The following NCOA1 variants were observed in gnomAD, a reference collection of about 807,000 sequenced individuals.
NCOA1 encodes the protein Hin-2 protein.
Under a neutral mutation model 150.9 loss-of-function variants are expected in NCOA1, and 35 were observed. That is an observed-to-expected ratio of 0.23 (90% CI 0.18 to 0.31). The LOEUF is 0.31. NCOA1 is among the 10% of genes least tolerant of loss of function. The probability of loss-of-function intolerance (pLI) is 1.00; values close to 1 mark genes in which losing one functional copy is unlikely to be tolerated. For synonymous variants in NCOA1, 590 were observed against 630.0 expected, an observed-to-expected ratio of 0.94 and a Z score of 0.95; for missense variants, 1,491 against 1,749.3, an observed-to-expected ratio of 0.85 and a Z score of 2.63.
intron 1 of NCOA1, among the ~76,000 whole-genome samples, chr2:24,516,042 C>T (rs1354483722): frequency 6.6e-6 from 1 of 152,094 alleles, no homozygotes; most frequent in Non-Finnish European, 1.5e-5. Flanking sequence ...CAGGCAGTCA[C>T]TCTGGTGGCT....
chr2:24,736,611 G>C (rs769341548), intron 17 of NCOA1, among the ~76,000 whole-genome samples: 3 of 152,140 alleles, frequency 2.0e-5, no homozygotes, highest in Non-Finnish European at 4.4e-5. Context: ...TGCCCAATAG[G>C]ACAATAAGTT....
intron 3 of NCOA1, among the ~76,000 whole-genome samples, chr2:24,592,866 C>T (rs1046980036): frequency 2.0e-5 from 3 of 151,984 alleles, no homozygotes; most frequent in Non-Finnish European, 4.4e-5. Flanking sequence ...TTTTTAGAGT[C>T]TAGAAAAGGG....
At chr2:24,642,815 C>T (rs1670292062) in intron 3 of NCOA1, among the ~76,000 whole-genome samples, 1 of 152,088 alleles carries the variant, frequency 6.6e-6, no homozygotes, top group African/African-American at 2.4e-5. Context: ...GATACGTGCA[C>T]CAAACTGGAT....
intron 1 of NCOA1, among the ~76,000 whole-genome samples, chr2:24,538,687 A>C (rs1665265765): frequency 6.6e-6 from 1 of 152,160 alleles, no homozygotes; most frequent in South Asian, 2.1e-4. Flanking sequence ...TTCCAAGACC[A>C]GTTCATATGA....
At chr2:24,608,404 C>T (rs1668468756) in intron 3 of NCOA1, among the ~76,000 whole-genome samples, 1 of 151,224 alleles carries the variant, frequency 6.6e-6, no homozygotes, top group South Asian at 2.1e-4. Context: ...CCTCAGCCTC[C>T]TAAGTAGCTG....
intron 16 of NCOA1, among the ~76,000 whole-genome samples, chr2:24,729,023 A>C (rs551683845): frequency 6.6e-6 from 1 of 152,270 alleles, no homozygotes; most frequent in African/African-American, 2.4e-5. Context: ...GTCACAATTT[A>C]TATTTCTTAC....
chr2:24,763,491 G>C (rs1664888893), intron 22 of NCOA1, among the ~76,000 whole-genome samples: 1 of 130,452 alleles, frequency 7.7e-6, no homozygotes, highest in African/African-American at 2.9e-5. Flanking sequence ...AGTGAGCCGA[G>C]ATCACGCCAC....
chr2:24,716,087 T>G (rs1243604313), intron 14 of NCOA1, among the ~76,000 whole-genome samples: 1 of 143,430 alleles, frequency 7.0e-6, no homozygotes, highest in African/African-American at 2.6e-5. Context: ...GAGATTGCAG[T>G]GAGCCGAGAT....
chr2:24,745,100 G>A (rs1245207242), intron 19 of NCOA1, among the ~76,000 whole-genome samples: 1 of 151,620 alleles, frequency 6.6e-6, no homozygotes, highest in African/African-American at 2.4e-5. Flanking sequence ...AGACTACCAT[G>A]CTATGATAAT....
chr2:24,744,158 G>A (rs1412203360), intron 19 of NCOA1, among the ~76,000 whole-genome samples: 4 of 152,114 alleles, frequency 2.6e-5, no homozygotes, highest in Admixed American at 6.5e-5. Flanking sequence ...CTCTTTCCCC[G>A]TACCATAATG....
intron 22 of NCOA1, among the ~76,000 whole-genome samples, chr2:24,765,942 C>T (rs1300999926): frequency 6.8e-6 from 1 of 147,434 alleles, no homozygotes; most frequent in Non-Finnish European, 1.5e-5. Flanking sequence ...TTGTCGTTGC[C>T]CACGCTGGAA....
intron 21 of NCOA1, among the ~76,000 whole-genome samples, chr2:24,761,276 G>C (rs56175314): frequency 0.043 from 6,506 of 152,262 alleles, 222 homozygotes; most frequent in African/African-American, 0.094. Context: ...GATTCTCTAG[G>C]TTTGGGGGCT....
chr2:24,621,140 G>T (rs1669132301), intron 3 of NCOA1, among the ~76,000 whole-genome samples: 1 of 151,918 alleles, frequency 6.6e-6, no homozygotes, highest in Admixed American at 6.6e-5. Flanking sequence ...ATCTTGTGTG[G>T]TATGTGGGGG....
chr2:24,647,552 C>T (rs1428329922), intron 4 of NCOA1, among the ~76,000 whole-genome samples: 2 of 151,980 alleles, frequency 1.3e-5, no homozygotes, highest in African/African-American at 2.4e-5. Flanking sequence ...ATCATCAGAG[C>T]ATAATTTATT....
In NCOA1 at chr2:24,758,116, C is replaced by A; in HGVS notation, c.4025C>A (p.Ser1342Tyr). 1 of 1,614,040 alleles carries A rather than the reference C, an allele frequency of 6.2e-7. No homozygotes were observed. The highest frequency in any genetic ancestry group is 8.5e-7 in the Non-Finnish European group (1 of 1,179,960). Residue 1342 changes from serine (S) to tyrosine (Y), a missense_variant, in exon 21 of 23, where the codon TCT becomes TAT. Physicochemically the swap from Ser to Tyr is moderately radical, Grantham distance 144. Coordinates refer to ENST00000348332, the MANE Select transcript of NCOA1 (RefSeq NM_003743.5). ...NPMMAQMQMS[S>Y]LQMPGMNTVC... ...ATGATGGCCCAGATGCAGATGAGCT[C>A]TTTGCAGATGCCAGGAATGAACACT...
At chr2:24,720,605 C>T (rs1674311256) in intron 14 of NCOA1, among the ~76,000 whole-genome samples, 1 of 151,222 alleles carries the variant, frequency 6.6e-6, no homozygotes, top group Admixed American at 6.6e-5. Flanking sequence ...AACCAGTCTA[C>T]AATGTGTAGA....
At position 24,684,160 on chromosome 2, in the gene NCOA1, C is replaced by T. The variant is rs1480110405; in HGVS notation, c.532+1032C>T. On this transcript the variant is annotated intron_variant, in intron 8 of 22. Coordinates refer to ENST00000348332, the MANE Select transcript of NCOA1 (RefSeq NM_003743.5). Reference sequence around the variant, plus strand: ...GTAATACTTAATTAAGATTTCTTTCCTTGGCCATGGACTGTAGATTCTTTT... The same window carrying T: ...GTAATACTTAATTAAGATTTCTTTCTTTGGCCATGGACTGTAGATTCTTTT... Among the ~76,000 whole-genome samples, 5 of 152,184 alleles carry T rather than the reference C, an allele frequency of 3.3e-5. No homozygotes were observed. The East Asian group carries it at 5.8e-4, about 18-fold the overall frequency.
intron 1 of NCOA1, among the ~76,000 whole-genome samples, chr2:24,515,189 A>G (rs1029282960): frequency 8.5e-5 from 13 of 152,192 alleles, no homozygotes; most frequent in African/African-American, 1.2e-4. Context: ...TTTAGGAACA[A>G]CTTATTTTGG....
At chr2:24,642,534 T>C (rs1670279291) in intron 3 of NCOA1, among the ~76,000 whole-genome samples, 2 of 152,128 alleles carry the variant, frequency 1.3e-5, no homozygotes, top group Admixed American at 1.3e-4. Flanking sequence ...TGGATTGTTA[T>C]CTCTTTTTGA....
Sources: gnomAD v4.1 joint callset for allele counts (sites outside exome capture counted in the v4.1 genomes callset) on GRCh38, gnomAD v4.1.1 for gene constraint, MANE v1.5 for transcripts, NCBI Gene and HGNC (gene_info 2026-07-23, HGNC 2026-07-21) for gene names.